The following AGAP1 variants were observed in gnomAD, a reference collection of about 807,000 sequenced individuals.
AGAP1 encodes ArfGAP with GTPase domain, ankyrin repeat and PH domain 1, also known as arf-GAP with GTPase, ANK repeat and PH domain-containing protein 1.
AGAP1 carries 29 observed loss-of-function variants against 105.3 expected under a neutral mutation model. That is an observed-to-expected ratio of 0.28 (90% CI 0.21 to 0.38). The LOEUF is 0.38. AGAP1 is among the 10% of genes least tolerant of loss of function. The pLI is 1.00. For missense variants in AGAP1, 998 were observed against 1,165.1 expected, an observed-to-expected ratio of 0.86 and a Z score of 2.09; for synonymous variants, 509 against 485.9, an observed-to-expected ratio of 1.05 and a Z score of -0.63.
In AGAP1 at chr2:235,646,614, T is replaced by C. The variant is rs181053542; in HGVS notation, c.164-62565T>C. ...GCTTTTCCTGTGTTGGTGTGTCGCT[T>C]CTCTCCCTTGGGCCCCCGCCCCTAA... On this transcript the variant is annotated intron_variant, in intron 1 of 17. Transcript: ENST00000304032. 8.5e-3 allele frequency among the ~76,000 whole-genome samples: 1,300 copies of C among 152,318 alleles called. 11 individuals carry two copies. The highest frequency in any genetic ancestry group is 0.013 in the Non-Finnish European group (897 of 68,022).
chr2:235,511,750 T>TC (rs58802043), intron 1 of AGAP1, among the ~76,000 whole-genome samples: 26,676 of 152,178 alleles, frequency 0.18, 2,571 homozygotes, highest in East Asian at 0.32. Flanking sequence ...CCATGTAATT[T>TC]CCCCAAACTG....
In AGAP1 at chr2:235,552,334, G is replaced by C. The variant is rs943289825; in HGVS notation, c.163+57485G>C. On this transcript the variant is annotated intron_variant, in intron 1 of 17. Coordinates refer to ENST00000304032, the MANE Select transcript of AGAP1 (RefSeq NM_001037131.3). This position sits in a 1 kb window ranked among gnomAD's most constrained non-coding sequence, Gnocchi z 5.9. ...TTAATAACTGGAAGTAGCTTAGGAAGCCAGGTTTGGAGTGCTGCCTTGGTG... is the reference window on the plus strand; with the variant it reads ...TTAATAACTGGAAGTAGCTTAGGAACCCAGGTTTGGAGTGCTGCCTTGGTG... Among the ~76,000 whole-genome samples, 1 of 152,242 alleles carries C rather than the reference G, an allele frequency of 6.6e-6. No homozygotes were observed. Among genetic ancestry groups the C allele is most frequent in the Non-Finnish European group, 1.5e-5 (1 of 68,048 alleles).
At chr2:235,668,568 C>T (rs1231329418) in intron 1 of AGAP1, among the ~76,000 whole-genome samples, 1 of 152,198 alleles carries the variant, frequency 6.6e-6, no homozygotes, top group South Asian at 2.1e-4. Flanking sequence ...ATTTTTCCTT[C>T]TGAAACTTTT....
Position 235,741,130 on chromosome 2 carries a change from G to A in AGAP1, c.396+82G>A. 3.3e-6 allele frequency: 4 copies of A among 1,229,454 alleles called. No homozygotes were observed. The highest frequency in any genetic ancestry group is 2.1e-5 in the South Asian group (1 of 47,600). The allele number at this position is 1,229,454 out of a possible 1,614,324, so 76.2% of individuals were successfully genotyped here. Reference sequence around the variant, plus strand: ...GATTCAAGAAGTGCTTCTAGAAATCGGTGACTTGGTTTCCAAAAAAGTGGA... The same window carrying A: ...GATTCAAGAAGTGCTTCTAGAAATCAGTGACTTGGTTTCCAAAAAAGTGGA... On this transcript the variant is annotated intron_variant, in intron 4 of 17. Coordinates refer to ENST00000304032, the MANE Select transcript of AGAP1 (RefSeq NM_001037131.3). The surrounding 1 kb of genome is among the most constrained non-coding windows in gnomAD (Gnocchi z 4.9).
chr2:235,841,446 TAGTG>T (rs1275927030), intron 9 of AGAP1, among the ~76,000 whole-genome samples: 1 of 151,932 alleles, frequency 6.6e-6, no homozygotes, highest in Non-Finnish European at 1.5e-5. Flanking sequence ...CTGGGCAACA[TAGTG>T]AGGCCCCATC....
rs1559246430 is a variant in AGAP1 at position 235,557,294 on chromosome 2, G to A, written c.163+62445G>A. ...ATGCTCAGAGCCCGGCTCTTTCATG[G>A]GATCACAGTTTGTTCACCTTGGAAG... On this transcript the variant is annotated intron_variant, in intron 1 of 17. Transcript: ENST00000304032. This position sits in a 1 kb window ranked among gnomAD's most constrained non-coding sequence, Gnocchi z 4.7. 1.3e-5 allele frequency among the ~76,000 whole-genome samples: 2 copies of A among 152,128 alleles called. No homozygotes were observed. The highest frequency in any genetic ancestry group is 4.8e-5 in the African/African-American group (2 of 41,436).
Position 235,750,512 on chromosome 2 carries a change from T to TA in AGAP1, c.673+26dup, listed in dbSNP as rs1479122163. The TA allele has an allele frequency of 6.2e-7, 1 of 1,613,850 alleles. No individual in the cohort carries two copies. ...CGGTAAATGCGCGTGGCTGGGAGTT[T>TA]AATTTCAGTTCATGATAGACGGGAG... On this transcript the variant is annotated intron_variant, in intron 6 of 17. Transcript: ENST00000304032. This position sits in a 1 kb window ranked among gnomAD's most constrained non-coding sequence, Gnocchi z 5.3.
chr2:236,041,076 C>G (rs986374330), intron 15 of AGAP1, among the ~76,000 whole-genome samples: 2 of 152,152 alleles, frequency 1.3e-5, no homozygotes, highest in Non-Finnish European at 2.9e-5. Flanking sequence ...CTTAGGCATC[C>G]GATGAGCAGC....
At chr2:235,699,778 G>A (rs1950166722) in intron 1 of AGAP1, among the ~76,000 whole-genome samples, 2 of 152,234 alleles carry the variant, frequency 1.3e-5, no homozygotes, top group Admixed American at 1.3e-4. Context: ...CAGTGGGGGT[G>A]TCTGCACTCT....
intron 2 of AGAP1, among the ~76,000 whole-genome samples, chr2:235,710,504 C>T (rs1950798771): frequency 6.6e-6 from 1 of 152,146 alleles, no homozygotes; most frequent in African/African-American, 2.4e-5. Flanking sequence ...CTGCCCCCCG[C>T]CCCATTCCTC....
rs1462514844 is a variant in AGAP1 at position 236,104,311 on chromosome 2, T to C, written c.2115-15881T>C. On this transcript the variant is annotated intron_variant, in intron 16 of 17. Coordinates refer to ENST00000304032, the MANE Select transcript of AGAP1 (RefSeq NM_001037131.3). This position sits in a 1 kb window ranked among gnomAD's most constrained non-coding sequence, Gnocchi z 4.7. Reference sequence around the variant, plus strand: ...AGGCAGTCCAGCCTCCAGCACTCCATCCTGTTCCATCCCCAGTGCCCTCTG... The same window carrying C: ...AGGCAGTCCAGCCTCCAGCACTCCACCCTGTTCCATCCCCAGTGCCCTCTG... 6.6e-6 allele frequency among the ~76,000 whole-genome samples: 1 copy of C among 152,192 alleles called. No homozygotes were observed. Among genetic ancestry groups the C allele is most frequent in the Admixed American group, 6.5e-5 (1 of 15,284 alleles).
chr2:235,910,290 G>GAGCTGGTTCCTTCCCCCCACATT (rs2051540058), intron 11 of AGAP1, among the ~76,000 whole-genome samples: 1 of 5,908 alleles, frequency 1.7e-4, no homozygotes, highest in Non-Finnish European at 2.6e-4. Context: ...TGTGTTGCAG[G>GAGCTGGTTCCTTCCCCCCACATT]GGGGCGGTGT....
chr2:235,521,742 ATG>A (rs59090836), intron 1 of AGAP1, among the ~76,000 whole-genome samples: 2,247 of 121,512 alleles, frequency 0.018, 33 homozygotes, highest in African/African-American at 0.043. Context: ...TGTTATATAT[ATG>A]TGTGTGTGTG....
intron 1 of AGAP1, among the ~76,000 whole-genome samples, chr2:235,618,146 T>G (rs1042789372): frequency 5.9e-5 from 9 of 152,174 alleles, no homozygotes; most frequent in African/African-American, 1.9e-4. Context: ...TGCTCCCTTT[T>G]ACTGTTACTG....
rs1292379761 is a variant in AGAP1, at chr2:235,752,251, C to G, written c.673+1763C>G. On this transcript the variant is annotated intron_variant, in intron 6 of 17. Transcript: ENST00000304032. This position sits in a 1 kb window ranked among gnomAD's most constrained non-coding sequence, Gnocchi z 4.3. ...GGAGTGCAATGGCGTGATGGCAGCT[C>G]ACTGCAACCTCTGCCTCCCAGGTTC... Among the ~76,000 whole-genome samples the G allele has an allele frequency of 6.6e-6, 1 of 152,174 alleles. No homozygotes were observed. The highest frequency in any genetic ancestry group is 1.5e-5 in the Non-Finnish European group (1 of 68,038).
At position 236,073,591 on chromosome 2, in the gene AGAP1, A is replaced by G. The variant is rs952307062; in HGVS notation, c.2114+24310A>G. Among the ~76,000 whole-genome samples, 5 of 152,206 alleles carry G rather than the reference A, an allele frequency of 3.3e-5. No homozygotes were observed. Among genetic ancestry groups the G allele is most frequent in the Non-Finnish European group, 5.9e-5 (4 of 68,038 alleles). On this transcript the variant is annotated intron_variant, in intron 16 of 17. Transcript: ENST00000304032. This position sits in a 1 kb window ranked among gnomAD's most constrained non-coding sequence, Gnocchi z 5.4. ...GTTAGGCTTTGACAAGGACCTTGTAATGATGCTCACATAGAAGATAATTTA... is the reference window on the plus strand; with the variant it reads ...GTTAGGCTTTGACAAGGACCTTGTAGTGATGCTCACATAGAAGATAATTTA...
rs971669916 is a variant in AGAP1 at position 235,720,816 on chromosome 2, T to C, written c.310+3172T>C. The C allele has an allele frequency of 1.6e-6, 1 of 641,930 alleles. No individual in the cohort carries two copies. The highest frequency in any genetic ancestry group is 1.9e-6 in the Non-Finnish European group (1 of 516,976). The allele number at this position is 641,930 out of a possible 1,614,324, so 39.8% of individuals were successfully genotyped here. On this transcript the variant is annotated intron_variant, in intron 3 of 17. Transcript: ENST00000304032. The surrounding 1 kb of genome is among the most constrained non-coding windows in gnomAD (Gnocchi z 5.0). ...TTCCTGTCTTCAGGGGAGAGCTCTC[T>C]CGTGGTAGAAACATTTCTGGTGCAG...
At chr2:235,928,292 G>A (rs530181409) in intron 11 of AGAP1, among the ~76,000 whole-genome samples, 51 of 152,302 alleles carry the variant, frequency 3.3e-4, no homozygotes, top group African/African-American at 1.1e-3. Flanking sequence ...CTCCCCAAAC[G>A]CACCTTCGAT....
rs1028176976 is a variant in AGAP1 at position 235,807,323 on chromosome 2, A to G, written c.1042A>G (p.Ile348Val). ...CATTGGGAGCGGCCGAGCCATCCCA[A>G]TTAAACAGGTGAGCAGCCTCCCCAT... ...DSIGSGRAIP[I>V]KQGMLLKRSG... The change falls in exon 9 of 18, where the codon ATT (isoleucine) becomes GTT (valine). Residue 348 changes from isoleucine (I) to valine (V), a missense_variant. Around this residue, in one of 3 missense-constraint regions of AGAP1, gnomAD observed 735 missense variants for 833.4 expected, o/e 0.88. Coordinates refer to ENST00000304032, the MANE Select transcript of AGAP1 (RefSeq NM_001037131.3). The G allele has an allele frequency of 5.0e-6, 8 of 1,593,654 alleles. No individual in the cohort carries two copies. The highest frequency in any genetic ancestry group is 2.3e-5 in the South Asian group (2 of 87,786).
Sources: allele counts gnomAD v4.1 joint callset (sites outside exome capture counted in the v4.1 genomes callset), GRCh38; gene constraint gnomAD v4.1.1; regional missense constraint gnomAD v4.1.1; non-coding constraint Gnocchi (gnomAD v3.1); transcripts MANE v1.5; gene names NCBI Gene and HGNC (gene_info 2026-07-23, HGNC 2026-07-21).